Variants in MPPE1 observed in about 807,000 individuals in gnomAD.
The protein encoded by MPPE1 is metallo phosphoesterase.
Under a neutral mutation model 43.8 loss-of-function variants are expected in MPPE1, and 28 were observed. The observed-to-expected ratio is 0.64, with a 90% CI of 0.47 to 0.88. The LOEUF (loss-of-function observed/expected upper bound fraction) is 0.88, where lower values mean the gene tolerates loss of function less well. Among genes scored for constraint, MPPE1 ranks in the 40% least tolerant of loss-of-function variants. The pLI, the probability that MPPE1 is intolerant of heterozygous loss-of-function variation, is 0.00. For missense variants in MPPE1, 428 were observed against 492.2 expected (o/e 0.87, Z 1.23); for synonymous variants, 159 against 188.5 (o/e 0.84, Z 1.28).
At chr18:11,904,942 C>CA (rs1023640685) in intron 2 of MPPE1, among the ~76,000 whole-genome samples, 10 of 145,720 alleles carry the variant, frequency 6.9e-5, no homozygotes, top group African/African-American at 1.0e-4. Context: ...GACTCCATCT[C>CA]AAAAAAAAAG....
In MPPE1 at chr18:11,889,468, C is replaced by T. The variant is rs11872520; in HGVS notation, c.413G>A (p.Arg138Gln). The T allele has an allele frequency of 5.8e-3, 9,378 of 1,612,948 alleles. 112 individuals are homozygous for T. The highest frequency in any genetic ancestry group is 0.045 in the African/African-American group (3,405 of 74,904). The part of the protein sequence containing the change: ...TPEAWADDVE[R>Q]FQKMFRHPSH... Reference sequence around the variant, plus strand: ...TGGGTGTCTGAACATTTTCTGAAACCGCTCCACATCATCCGCCCAGGCCTG... The same window carrying T: ...TGGGTGTCTGAACATTTTCTGAAACTGCTCCACATCATCCGCCCAGGCCTG... The change falls in exon 5 of 11, where the codon CGG becomes CAG. Residue 138 changes from arginine (R) to glutamine (Q), a missense_variant. Arg to Gln is a conservative substitution (Grantham distance 43, BLOSUM62 1). Around this residue, in one of 3 missense-constraint regions of MPPE1, gnomAD observed 379 missense variants for 402.5 expected, o/e 0.94. Coordinates refer to ENST00000588072, the MANE Select transcript of MPPE1 (RefSeq NM_023075.6).
intron 10 of MPPE1, chr18:11,885,187 T>A: frequency 1.8e-6 from 1 of 542,470 alleles, no homozygotes; most frequent in Non-Finnish European, 2.7e-6. Flanking sequence ...TAAAAGAACC[T>A]GTCGTACCAG....
chr18:11,884,987 G>C, intron 10 of MPPE1: 1 of 1,302,692 alleles, frequency 7.7e-7, no homozygotes. Context: ...GGTCAGCGAG[G>C]AACAAGGAGG....
chr18:11,893,928 G>A (rs561720614), intron 3 of MPPE1, among the ~76,000 whole-genome samples: 1 of 152,302 alleles, frequency 6.6e-6, no homozygotes, highest in Admixed American at 6.5e-5. Context: ...GACTGATTTT[G>A]TACCACACAG....
Position 11,886,526 on chromosome 18 carries a change from G to A in MPPE1, c.840C>T (p.Asp280=), listed in dbSNP as rs755406827. The change falls in exon 9 of 11, where the codon GAC becomes GAT. Residue 280 remains aspartate (D), a synonymous_variant. Transcript: ENST00000588072. The surrounding 1 kb of genome is among the most constrained non-coding windows in gnomAD (Gnocchi z 4.1). ...ERDIPFKENY[D]VLSREASQKL... ...TTTGTGATGCCTCCCGTGAAAGCACGTCATAGTTCTCCTTAAATGGGATGT... is the reference window on the plus strand; with the variant it reads ...TTTGTGATGCCTCCCGTGAAAGCACATCATAGTTCTCCTTAAATGGGATGT... 1.2e-5 allele frequency: 19 copies of A among 1,614,060 alleles called. No individual in the cohort carries two copies. The highest frequency in any genetic ancestry group is 1.6e-4 in the Middle Eastern group (1 of 6,084).
chr18:11,900,742 C>A (rs978234089), intron 2 of MPPE1, among the ~76,000 whole-genome samples: 2 of 151,566 alleles, frequency 1.3e-5, no homozygotes, highest in African/African-American at 2.4e-5. Context: ...CCCATCTCTA[C>A]TAAAAATACA....
chr18:11,884,089 C>CAT lies in MPPE1; in HGVS notation c.*354_*355dup, dbSNP rs1193175448. 4.7e-6 allele frequency: 1 copy of CAT among 213,292 alleles called. No individual in the cohort carries two copies. Among genetic ancestry groups the CAT allele is most frequent in the African/African-American group, 2.3e-5 (1 of 43,438 alleles). The allele number at this position is 213,292 out of a possible 1,614,324, so 13.2% of individuals were successfully genotyped here. A position where few individuals can be genotyped will look rare whatever the true frequency, so the allele number is the denominator to read the frequency against. Reference sequence around the variant, plus strand: ...AGCCCAATATTTATTTATGTATACACATAATCCCAAGTGTGTGCTGGGGCC... The same window carrying CAT: ...AGCCCAATATTTATTTATGTATACACATATAATCCCAAGTGTGTGCTGGGGCC... On this transcript the variant is annotated 3_prime_UTR_variant, in exon 11 of 11. Transcript: ENST00000588072.
chr18:11,905,496 G>A (rs149457911), intron 2 of MPPE1: 1 of 152,262 alleles, frequency 6.6e-6, no homozygotes, highest in African/African-American at 2.4e-5. Context: ...GCCTGATAGG[G>A]TGGGGGAAGA....
chr18:11,886,514 C>T lies in MPPE1; in HGVS notation c.852G>A (p.Arg284=). The T allele has an allele frequency of 1.2e-6, 2 of 1,614,164 alleles. No individual in the cohort carries two copies. The highest frequency in any genetic ancestry group is 1.7e-6 in the Non-Finnish European group (2 of 1,180,040). The change falls in exon 9 of 11, where the codon CGG becomes CGA. Residue 284 remains arginine, a synonymous_variant. Transcript: ENST00000588072. This position sits in a 1 kb window ranked among gnomAD's most constrained non-coding sequence, Gnocchi z 4.1. The stretch of plus-strand genomic sequence containing the variant: ...CCTGGCAAACCTTTTGTGATGCCTC[C>T]CGTGAAAGCACGTCATAGTTCTCCT... ...PFKENYDVLS[R]EASQKLLWWL... is the part of the protein sequence containing the mutation.
intron 2 of MPPE1, among the ~76,000 whole-genome samples, chr18:11,898,818 A>G (rs1168667408): frequency 1.3e-5 from 2 of 152,052 alleles, no homozygotes; most frequent in Non-Finnish European, 2.9e-5. Context: ...CCTGCCCACA[A>G]AATTGTCCAT....
At chr18:11,905,906 A>T (rs1438330978) in intron 2 of MPPE1, 1 of 152,228 alleles carries the variant, frequency 6.6e-6, no homozygotes, top group Non-Finnish European at 1.5e-5. Flanking sequence ...TGTGCCAGCC[A>T]CTTACCCCTC....
In MPPE1 at chr18:11,886,462, C is replaced by T. The variant is rs775029394; in HGVS notation, c.867+37G>A. 9 of 1,613,814 alleles carry T rather than the reference C, an allele frequency of 5.6e-6. No homozygotes were observed. In the South Asian group the frequency reaches 9.9e-5, roughly 18 times the overall value. On this transcript the variant is annotated intron_variant, in intron 9 of 10. Transcript: ENST00000588072. The surrounding 1 kb of genome is among the most constrained non-coding windows in gnomAD (Gnocchi z 4.1). ...GACATGCAAGGTGATGAGAGTCACACTGTGACATGAATTAGCATCACGACA... is the reference window on the plus strand; with the variant it reads ...GACATGCAAGGTGATGAGAGTCACATTGTGACATGAATTAGCATCACGACA...
At chr18:11,901,214 C>CTTGA (rs2039164633) in intron 2 of MPPE1, among the ~76,000 whole-genome samples, 1 of 151,856 alleles carries the variant, frequency 6.6e-6, no homozygotes, top group Admixed American at 6.6e-5. Flanking sequence ...TATATTAACT[C>CTTGA]TTGATTTATT....
In MPPE1 at chr18:11,896,775, T is replaced by C. The variant is rs571750996; in HGVS notation, c.281+209A>G. Among the ~76,000 whole-genome samples, 6 of 152,334 alleles carry C rather than the reference T, an allele frequency of 3.9e-5. No homozygotes were observed. In the East Asian group the frequency reaches 7.7e-4, roughly 20 times the overall value. The stretch of plus-strand genomic sequence containing the variant: ...CAACTTGTCCAAAGTCACAAAGCGA[T>C]GTGGCCCAGATCTGACTCCCAAATT... On this transcript the variant is annotated intron_variant, in intron 3 of 10. Coordinates refer to ENST00000588072, the MANE Select transcript of MPPE1 (RefSeq NM_023075.6).
intron 2 of MPPE1, among the ~76,000 whole-genome samples, chr18:11,903,722 C>T (rs542159227): frequency 3.1e-4 from 47 of 152,266 alleles, no homozygotes; most frequent in African/African-American, 7.2e-4. Flanking sequence ...AGGAGAATGG[C>T]GTGAACCCAG....
rs1387072098 is a variant in MPPE1, at chr18:11,884,370, T to C, written c.*75A>G. On this transcript the variant is annotated 3_prime_UTR_variant, in exon 11 of 11. Coordinates refer to ENST00000588072, the MANE Select transcript of MPPE1 (RefSeq NM_023075.6). ...AGACGGCCTGTAATTGGTCTCATCA[T>C]CCACTTGATTCTAACATGATCTCTG... The C allele has an allele frequency of 6.9e-6, 10 of 1,443,776 alleles. No homozygotes were observed. In the Admixed American group the frequency reaches 1.5e-4, roughly 21 times the overall value. The allele number at this position is 1,443,776 out of a possible 1,614,324, so 89.4% of individuals were successfully genotyped here.
chr18:11,885,846 G>T (rs766256078), intron 9 of MPPE1, 30 bp from the exon 10 acceptor site: 3 of 1,579,602 alleles, frequency 1.9e-6, no homozygotes, highest in African/African-American at 1.3e-5. Context: ...CAGCAAAGCA[G>T]GCTGTTAGCT....
chr18:11,888,474 G>C (rs2037590704), intron 6 of MPPE1, among the ~76,000 whole-genome samples, 195 bp downstream of exon 6: 1 of 152,154 alleles, frequency 6.6e-6, no homozygotes, highest in Non-Finnish European at 1.5e-5. Flanking sequence ...GAAAACCAGG[G>C]TGGTTTGAGG....
intron 2 of MPPE1, among the ~76,000 whole-genome samples, chr18:11,901,820 C>T (rs1232643894): frequency 6.6e-6 from 1 of 152,114 alleles, no homozygotes; most frequent in Non-Finnish European, 1.5e-5. Flanking sequence ...CCCTGGGCAA[C>T]AGAGTGAGAC....
Sources: gnomAD v4.1 joint callset for allele counts (sites outside exome capture counted in the v4.1 genomes callset) on GRCh38, gnomAD v4.1.1 for gene constraint, gnomAD v4.1.1 regional missense constraint, Gnocchi (gnomAD v3.1) non-coding constraint, MANE v1.5 for transcripts, NCBI Gene and HGNC (gene_info 2026-07-23, HGNC 2026-07-21) for gene names.